The following PPP1R16A variants were observed in gnomAD, a reference collection of about 807,000 sequenced individuals.
PPP1R16A encodes the protein myosin phosphatase-targeting subunit 3.
A neutral mutation model predicts 46.6 loss-of-function variants in PPP1R16A; 39 were observed. The observed-to-expected ratio is 0.84, with a 90% confidence interval of 0.65 to 1.09. The LOEUF (loss-of-function observed/expected upper bound fraction) is 1.09, where lower values mean the gene tolerates loss of function less well. Among genes scored for constraint, PPP1R16A ranks in the 50% least tolerant of loss-of-function variants. PPP1R16A has a pLI of 0.00. For synonymous variants in PPP1R16A, 413 were observed against 321.5 expected (o/e 1.28, Z -3.04); for missense variants, 798 against 735.6 (o/e 1.08, Z -0.98).
At chr8:144,494,447 G>A (rs1455861538) in intron 2 of PPP1R16A, among the ~76,000 whole-genome samples, 1 of 151,940 alleles carries the variant, frequency 6.6e-6, no homozygotes, top group African/African-American at 2.4e-5. Context: ...CGAGGAGGTG[G>A]GACCACAGGC....
chr8:144,500,433 C>G (rs762001859), intron 7 of PPP1R16A, 42 bp downstream of exon 7: 15 of 1,526,678 alleles, frequency 9.8e-6, no homozygotes, highest in Non-Finnish European at 1.3e-5. Flanking sequence ...CTGGGGGCCT[C>G]GCTACTTGGA....
rs998499420 is a variant in PPP1R16A at position 144,493,185 on chromosome 8, C to T, written c.-735+2973C>T. 6.6e-6 allele frequency among the ~76,000 whole-genome samples: 1 copy of T among 152,110 alleles called. No individual in the cohort carries two copies. The highest frequency in any genetic ancestry group is 1.5e-5 in the Non-Finnish European group (1 of 67,988). On this transcript the variant is annotated intron_variant, in intron 2 of 11. Transcript: ENST00000435887. This position sits in a 1 kb window ranked among gnomAD's most constrained non-coding sequence, Gnocchi z 4.3. ...CGGTGGGTGGGGGTCGGGGACAGTG[C>T]CCAGTATCCTCCATGGGGCTCCTCC...
intron 2 of PPP1R16A, among the ~76,000 whole-genome samples, chr8:144,494,066 G>A (rs1367611720): frequency 1.3e-5 from 2 of 152,174 alleles, no homozygotes; most frequent in Non-Finnish European, 2.9e-5. Context: ...TTTCTCTTCT[G>A]TAGGACATGG....
At chr8:144,497,503 G>A in intron 3 of PPP1R16A, 50 bp downstream of exon 3, 1 of 1,607,562 alleles carries the variant, frequency 6.2e-7, no homozygotes, top group Non-Finnish European at 8.5e-7. Context: ...CCCACTCCCT[G>A]CTACCTGGGT....
intron 1 of PPP1R16A, among the ~76,000 whole-genome samples, chr8:144,489,777 C>T (rs1825743987): frequency 6.6e-6 from 1 of 152,210 alleles, no homozygotes; most frequent in African/African-American, 2.4e-5. Flanking sequence ...CAGGGCGCAG[C>T]CAGACAAGTG....
Position 144,501,709 on chromosome 8 carries a change from G to T in PPP1R16A, c.1393G>T (p.Ala465Ser). 1.3e-6 allele frequency: 2 copies of T among 1,598,308 alleles called. No homozygotes were observed. The highest frequency in any genetic ancestry group is 1.7e-6 in the Non-Finnish European group (2 of 1,173,620). ...GGCTGACCTGAAGCGCCAGCGAGCT[G>T]CTGCCAAGCTGCAGCGACCCCCACC... is the stretch of plus-strand genomic sequence containing the variant. The part of the protein sequence containing the change: ...TLADLKRQRA[A>S]AKLQRPPPEG... Residue 465 changes from alanine (A) to serine (S), a missense_variant, in exon 12 of 12, where the codon GCT (alanine) becomes TCT (serine). By Grantham distance (99) the Ala-to-Ser change is moderately conservative. Coordinates refer to ENST00000435887, the MANE Select transcript of PPP1R16A (RefSeq NM_001329443.2).
At chr8:144,484,456 C>T (rs1007980061) in intron 1 of PPP1R16A, among the ~76,000 whole-genome samples, 1 of 152,202 alleles carries the variant, frequency 6.6e-6, no homozygotes. Flanking sequence ...TAGGAGCCCT[C>T]CCTGCCCTCT....
At chr8:144,496,134 G>A (rs982939908) in intron 2 of PPP1R16A, 3 of 152,196 alleles carry the variant, frequency 2.0e-5, no homozygotes, top group African/African-American at 7.2e-5. Context: ...CCAGCCTTAG[G>A]GCAGCGCCTG....
At chr8:144,482,376 TTTTTA>T (rs1353599881) in intron 1 of PPP1R16A, among the ~76,000 whole-genome samples, 1 of 151,948 alleles carries the variant, frequency 6.6e-6, no homozygotes, top group Non-Finnish European at 1.5e-5. Context: ...GTTTTCTTAT[TTTTTA>T]TTTTATTTTT....
intron 1 of PPP1R16A, among the ~76,000 whole-genome samples, chr8:144,485,542 A>C (rs565460904): frequency 2.0e-5 from 3 of 151,618 alleles, no homozygotes; most frequent in Non-Finnish European, 2.9e-5. Context: ...AAAAAACAAT[A>C]GATAAAGAAA....
In PPP1R16A at chr8:144,501,316, C is replaced by T. The variant is rs772561179; in HGVS notation, c.1203+22C>T. The stretch of plus-strand genomic sequence containing the variant: ...GGAGGTGAGCGCCCCGTCCCTGCTC[C>T]GCCCAGCGCAGGGGTGGGCCTGGCT... On this transcript the variant is annotated intron_variant, in intron 11 of 11. Transcript: ENST00000435887. 3.0e-5 allele frequency: 47 copies of T among 1,553,998 alleles called. No individual in the cohort carries two copies. In the African/African-American group the frequency reaches 3.8e-4, roughly 13 times the overall value.
rs114533603 is a variant in PPP1R16A at position 144,491,205 on chromosome 8, G to T, written c.-735+993G>T. 3.9e-3 allele frequency among the ~76,000 whole-genome samples: 593 copies of T among 152,272 alleles called. 2 individuals are homozygous for T. The highest frequency in any genetic ancestry group is 0.013 in the African/African-American group (542 of 41,554). On this transcript the variant is annotated intron_variant, in intron 2 of 11. Coordinates refer to ENST00000435887, the MANE Select transcript of PPP1R16A (RefSeq NM_001329443.2). ...GACCCACCTCATCTTGTTAACAGAC[G>T]TATATGTATAGATGTTATTCTACAG...
intron 2 of PPP1R16A, among the ~76,000 whole-genome samples, chr8:144,491,363 C>T (rs1825805913): frequency 6.6e-6 from 1 of 152,090 alleles, no homozygotes; most frequent in South Asian, 2.1e-4. Flanking sequence ...CCTATAATCC[C>T]AGCATTTTGG....
chr8:144,498,869 G>A (rs757391064), intron 4 of PPP1R16A, 29 bp downstream of exon 4: 24 of 1,612,174 alleles, frequency 1.5e-5, no homozygotes, highest in Non-Finnish European at 2.0e-5. Context: ...TGGGCAGGGT[G>A]GGGGCTGGCC....
intron 1 of PPP1R16A, among the ~76,000 whole-genome samples, chr8:144,482,848 A>G (rs544839070): frequency 5.9e-5 from 9 of 152,108 alleles, no homozygotes; most frequent in African/African-American, 2.2e-4. Flanking sequence ...GGGTTTCACC[A>G]TGTTGGCCAG....
In PPP1R16A at chr8:144,478,105, C is replaced by T. The variant is rs924534370; in HGVS notation, c.-936C>T. 1.3e-5 allele frequency: 5 copies of T among 395,402 alleles called. No individual in the cohort carries two copies. The highest frequency in any genetic ancestry group is 1.8e-5 in the Non-Finnish European group (4 of 224,000). 24.5% of individuals were successfully genotyped at this position (395,402 alleles called of 1,614,324 possible). On this transcript the variant is annotated 5_prime_UTR_variant, in exon 1 of 12. Coordinates refer to ENST00000435887, the MANE Select transcript of PPP1R16A (RefSeq NM_001329443.2). ...GCGGAAGCCAGCGGACCCACTTGTG[C>T]GGCGGTCGGCGCGGGGCGCGAGGTG...
At chr8:144,497,936 GT>G (rs1230399117) in intron 3 of PPP1R16A, 1 of 419,218 alleles carries the variant, frequency 2.4e-6, no homozygotes, top group Non-Finnish European at 4.9e-6. Context: ...CCCCCTCTCA[GT>G]GCCTGCCCTA....
At position 144,500,848 on chromosome 8, in the gene PPP1R16A, G is replaced by A; in HGVS notation, c.914G>A (p.Cys305Tyr). 1 of 1,578,410 alleles carries A rather than the reference G, an allele frequency of 6.3e-7. No homozygotes were observed. Among genetic ancestry groups the A allele is most frequent in the Non-Finnish European group, 8.6e-7 (1 of 1,163,534 alleles). Residue 305 changes from cysteine (C) to tyrosine (Y), a missense_variant, in exon 10 of 12, where the codon TGC (cysteine) becomes TAC (tyrosine). By Grantham distance (194) the Cys-to-Tyr change is radical (BLOSUM62 -2). Coordinates refer to ENST00000435887, the MANE Select transcript of PPP1R16A (RefSeq NM_001329443.2). ...SLMDETPLDV[C>Y]GDEEVRAKLL... ...GCCTGCGCCCACTTCTCAGATGTGT[G>A]CGGGGACGAGGAGGTGCGGGCCAAG...
At chr8:144,478,260 G>A (rs1438957996) in intron 1 of PPP1R16A, 133 bp downstream of exon 1, 4 of 386,072 alleles carry the variant, frequency 1.0e-5, no homozygotes, top group Non-Finnish European at 1.8e-5. Flanking sequence ...GGCCGGGGAA[G>A]GATGAGGCAG....
Sources: allele counts gnomAD v4.1 joint callset (sites outside exome capture counted in the v4.1 genomes callset), GRCh38; gene constraint gnomAD v4.1.1; non-coding constraint Gnocchi (gnomAD v3.1); transcripts MANE v1.5; gene names NCBI Gene and HGNC (gene_info 2026-07-23, HGNC 2026-07-21).